ADGRA1: variants seen among roughly 807,000 people sequenced by gnomAD.
ADGRA1 encodes G-protein coupled receptor 123.
A neutral mutation model predicts 21.3 loss-of-function variants in ADGRA1; 12 were observed. The ratio of observed to expected loss-of-function variants is 0.56; its 90% CI spans 0.36 to 0.91. ADGRA1 has a LOEUF of 0.91. Among genes scored for constraint, ADGRA1 ranks in the 40% least tolerant of loss-of-function variants. The pLI is 0.01. For synonymous variants in ADGRA1, 385 were observed against 368.8 expected (o/e 1.04, Z -0.50); for missense variants, 790 against 805.6 (o/e 0.98, Z 0.23).
intron 5 of ADGRA1, among the ~76,000 whole-genome samples, chr10:133,105,546 C>A (rs1851878573): frequency 1.3e-5 from 2 of 152,246 alleles, no homozygotes; most frequent in African/African-American, 4.8e-5. Flanking sequence ...GAAACCAAAC[C>A]TTCAGAGTCC....
At chr10:133,100,971 C>T (rs767343490) in intron 4 of ADGRA1, among the ~76,000 whole-genome samples, 6 of 152,220 alleles carry the variant, frequency 3.9e-5, no homozygotes, top group East Asian at 1.9e-4. Flanking sequence ...CACAAGGCGA[C>T]GTTCTCCGAG....
At chr10:133,113,189 TGTAA>T (rs1564850653) in intron 5 of ADGRA1, among the ~76,000 whole-genome samples, 6 of 150,420 alleles carry the variant, frequency 4.0e-5, no homozygotes, top group African/African-American at 1.5e-4. Context: ...ATTTGAGGTC[TGTAA>T]GCCGCGTCGG....
At chr10:133,092,899 GGAA>G in intron 2 of ADGRA1, 2 of 1,490,736 alleles carry the variant, frequency 1.3e-6, no homozygotes, top group Non-Finnish European at 1.8e-6. Context: ...GCCTGAACCT[GGAA>G]GAAGGAGAAG....
intron 5 of ADGRA1, among the ~76,000 whole-genome samples, chr10:133,125,230 C>T (rs563477571): frequency 1.3e-5 from 2 of 152,292 alleles, no homozygotes; most frequent in East Asian, 1.9e-4. Flanking sequence ...CAACCTCTGC[C>T]TTTGGATCGG....
chr10:133,103,253 C>A (rs1851831682), intron 5 of ADGRA1, among the ~76,000 whole-genome samples: 1 of 152,208 alleles, frequency 6.6e-6, no homozygotes, highest in African/African-American at 2.4e-5. Flanking sequence ...ACCCTCTATG[C>A]CCCGCAGGGC....
chr10:133,122,623 C>T (rs936537206), intron 5 of ADGRA1, among the ~76,000 whole-genome samples: 11 of 152,218 alleles, frequency 7.2e-5, no homozygotes, highest in Non-Finnish European at 1.3e-4. Context: ...TAGGAAGATG[C>T]CAGACACACC....
chr10:133,104,295 C>T (rs941859847), intron 5 of ADGRA1, among the ~76,000 whole-genome samples: 9 of 152,188 alleles, frequency 5.9e-5, no homozygotes, highest in African/African-American at 9.6e-5. Context: ...TATCTTGCCT[C>T]TCCTGCCAGG....
At position 133,128,831 on chromosome 10, in the gene ADGRA1, G is replaced by A. The variant is rs775429420; in HGVS notation, c.1003G>A (p.Gly335Arg). The A allele has an allele frequency of 3.9e-5, 63 of 1,599,180 alleles. No individual in the cohort carries two copies. The highest frequency in any genetic ancestry group is 5.1e-5 in the Admixed American group (3 of 59,166). ...KDAHPALDAN[G>R]AALGRAACLH... The stretch of plus-strand genomic sequence containing the variant: ...CGCCCACCCCGCACTTGACGCCAAC[G>A]GGGCCGCGCTGGGCCGCGCCGCCTG... The change falls in exon 7 of 7, where the codon GGG becomes AGG. Residue 335 changes from glycine to arginine, a missense_variant. Around this residue, in one of 3 missense-constraint regions of ADGRA1, gnomAD observed 391 missense variants for 351.5 expected, o/e 1.11. Coordinates refer to ENST00000392607, the MANE Select transcript of ADGRA1 (RefSeq NM_001083909.3).
intron 5 of ADGRA1, among the ~76,000 whole-genome samples, chr10:133,112,485 G>A (rs1028176008): frequency 2.5e-4 from 36 of 145,320 alleles, no homozygotes; most frequent in South Asian, 9.0e-4. Context: ...GGGCCGCGTC[G>A]GTTATTTGGG....
rs757848191 is a variant in ADGRA1 at position 133,129,329 on chromosome 10, G to A, written c.1501G>A (p.Gly501Ser). 5.7e-6 allele frequency: 9 copies of A among 1,569,022 alleles called. No individual in the cohort carries two copies. The highest frequency in any genetic ancestry group is 7.8e-6 in the Non-Finnish European group (9 of 1,158,608). The change falls in exon 7 of 7, where the codon GGC becomes AGC. Residue 501 changes from glycine to serine, a missense_variant. By Grantham distance (56) the Gly-to-Ser change is moderately conservative. Transcript: ENST00000392607. ...CCTCTACAGCTGCCCCACGCAGCCG[G>A]GCAGGGAGGCAGCGCTCGGGCCCGG... is the stretch of plus-strand genomic sequence containing the variant. ...PALYSCPTQP[G>S]REAALGPGHL...
chr10:133,091,896 C>T (rs997430114), intron 2 of ADGRA1, among the ~76,000 whole-genome samples: 2 of 152,116 alleles, frequency 1.3e-5, no homozygotes, highest in Non-Finnish European at 2.9e-5. Context: ...AGCCTCCTGG[C>T]GGTGCCCCCA....
intron 5 of ADGRA1, among the ~76,000 whole-genome samples, chr10:133,123,570 ACCGCCTTCCCGTGGCTGCTGTGGC>A: frequency 6.6e-6 from 1 of 152,246 alleles, no homozygotes; most frequent in East Asian, 1.9e-4. Flanking sequence ...CTGGGGCCGC[ACCGCCTTCCCGTGGCTGCTGTGGC>A]CACGGTGAAA....
chr10:133,127,096 G>A (rs942090268), intron 5 of ADGRA1, 137 bp from the exon 6 acceptor site: 4 of 519,304 alleles, frequency 7.7e-6, no homozygotes, highest in African/African-American at 2.0e-5. Context: ...GGGGTCGGGG[G>A]TCGGGGTTCT....
intron 5 of ADGRA1, among the ~76,000 whole-genome samples, chr10:133,113,605 A>G (rs1416071492): frequency 2.6e-5 from 4 of 151,818 alleles, no homozygotes; most frequent in African/African-American, 9.7e-5. Context: ...GGAGGTGTCC[A>G]CTCCCTCCTG....
chr10:133,105,572 A>G (rs1317694880), intron 5 of ADGRA1, among the ~76,000 whole-genome samples: 1 of 152,238 alleles, frequency 6.6e-6, no homozygotes, highest in Non-Finnish European at 1.5e-5. Flanking sequence ...AGATACAGCC[A>G]TGTAAAATGT....
intron 5 of ADGRA1, among the ~76,000 whole-genome samples, chr10:133,108,200 C>G (rs1002212870): frequency 1.3e-5 from 2 of 152,250 alleles, no homozygotes; most frequent in Non-Finnish European, 1.5e-5. Context: ...GTCTTCAGTG[C>G]AGGCATGGTT....
rs765676899 is a variant in ADGRA1, at chr10:133,127,216, G to T, written c.402-17G>T. 8.4e-6 allele frequency: 13 copies of T among 1,549,466 alleles called. No homozygotes were observed. The highest frequency in any genetic ancestry group is 7.0e-6 in the Non-Finnish European group (8 of 1,146,408). ...AGGCGGCGTCTGCAAGGGGGTCAAC[G>T]CCTTCCTCCCCGGCAGGTTTTACCT... On this transcript the variant is annotated splice_polypyrimidine_tract_variant and intron_variant, in intron 5 of 6. Coordinates refer to ENST00000392607, the MANE Select transcript of ADGRA1 (RefSeq NM_001083909.3).
chr10:133,091,617 T>G (rs1206860104), intron 2 of ADGRA1, among the ~76,000 whole-genome samples: 2 of 152,212 alleles, frequency 1.3e-5, no homozygotes, highest in African/African-American at 4.8e-5. Context: ...ACCGAGCCCC[T>G]TCCAGCTCTC....
chr10:133,122,676 A>C (rs1852294228), intron 5 of ADGRA1, among the ~76,000 whole-genome samples: 1 of 152,242 alleles, frequency 6.6e-6, no homozygotes, highest in Admixed American at 6.5e-5. Flanking sequence ...ACACACCAGC[A>C]CAGCCAGGAA....
Sources: allele counts gnomAD v4.1 joint callset (sites outside exome capture counted in the v4.1 genomes callset), GRCh38; gene constraint gnomAD v4.1.1; regional missense constraint gnomAD v4.1.1; transcripts MANE v1.5; gene names NCBI Gene and HGNC (gene_info 2026-07-23, HGNC 2026-07-21).